Variants in INO80D observed in about 807,000 individuals in gnomAD.
INO80D encodes INO80 complex subunit D.
Under a neutral mutation model 87.6 loss-of-function variants are expected in INO80D, and 21 were observed. That is an observed-to-expected ratio of 0.24 (90% CI 0.17 to 0.35). The LOEUF (loss-of-function observed/expected upper bound fraction) is 0.35. INO80D is among the 10% of genes least tolerant of loss of function. The pLI is 1.00. For synonymous variants in INO80D, 440 were observed against 491.0 expected (o/e 0.90, Z 1.37); for missense variants, 982 against 1,280.7 (o/e 0.77, Z 3.56).
At chr2:206,082,763 G>C (rs1690319746) in intron 1 of INO80D, among the ~76,000 whole-genome samples, 1 of 152,230 alleles carries the variant, frequency 6.6e-6, no homozygotes, top group Non-Finnish European at 1.5e-5. Flanking sequence ...TGGATAGTGA[G>C]AGCTGCTAAC....
intron 8 of INO80D, among the ~76,000 whole-genome samples, chr2:206,014,427 C>A (rs1688264392): frequency 6.6e-6 from 1 of 152,116 alleles, no homozygotes; most frequent in African/African-American, 2.4e-5. Context: ...TGGGAGATGA[C>A]TGAACTATGG....
intron 1 of INO80D, among the ~76,000 whole-genome samples, chr2:206,069,482 A>G (rs1575880491): frequency 6.6e-6 from 1 of 152,156 alleles, no homozygotes; most frequent in South Asian, 2.1e-4. Flanking sequence ...GTGGTGGCTC[A>G]TGCCTGTAAT....
chr2:206,002,494 A>G lies in INO80D; in HGVS notation c.*1874T>C, dbSNP rs1264019072. 1.3e-5 allele frequency: 2 copies of G among 152,222 alleles called. No individual in the cohort carries two copies. Among genetic ancestry groups the G allele is most frequent in the Non-Finnish European group, 2.9e-5 (2 of 68,036 alleles). The allele number at this position is 152,222 out of a possible 1,614,324, so 9.4% of individuals were successfully genotyped here. A position where few individuals can be genotyped will look rare whatever the true frequency, so the allele number is the denominator to read the frequency against. ...TTTAAAAAAACTAAATATATTACAA[A>G]CATATTTTTGGCCCACAAAAAGAAA... On this transcript the variant is annotated 3_prime_UTR_variant, in exon 11 of 11. Coordinates refer to ENST00000403263, the MANE Select transcript of INO80D (RefSeq NM_017759.5).
At chr2:206,037,610 C>T (rs1477214558) in intron 5 of INO80D, among the ~76,000 whole-genome samples, 2 of 152,102 alleles carry the variant, frequency 1.3e-5, no homozygotes, top group African/African-American at 4.8e-5. Flanking sequence ...ATTAAAAAGA[C>T]ACTGTTGGTG....
Position 206,004,253 on chromosome 2 carries a change from C to T in INO80D, c.*115G>A. 1.0e-6 allele frequency: 1 copy of T among 959,508 alleles called. No homozygotes were observed. The highest frequency in any genetic ancestry group is 1.6e-5 in the South Asian group (1 of 61,562). The allele number at this position is 959,508 out of a possible 1,614,324, so 59.4% of individuals were successfully genotyped here. ...CTCATTGAACTGGGAAGGGGGGTGC[C>T]CCTCTGATCCCCATCTGTTATATCT... On this transcript the variant is annotated 3_prime_UTR_variant, in exon 11 of 11. Coordinates refer to ENST00000403263, the MANE Select transcript of INO80D (RefSeq NM_017759.5). The surrounding 1 kb of genome is among the most constrained non-coding windows in gnomAD (Gnocchi z 4.9).
In INO80D at chr2:206,058,242, A is replaced by G. The variant is rs979673236; in HGVS notation, c.219-1299T>C. ...AGACTATCCTGGCTAATCCGGTGAA[A>G]CCCCGTCTCTATTAAAAATACAAAA... On this transcript the variant is annotated intron_variant, in intron 3 of 10. Transcript: ENST00000403263. Among the ~76,000 whole-genome samples the G allele has an allele frequency of 2.0e-5, 3 of 150,630 alleles. No homozygotes were observed. The South Asian group carries it at 6.3e-4, about 32-fold the overall frequency.
At chr2:206,069,960 A>G (rs1689916730) in intron 1 of INO80D, among the ~76,000 whole-genome samples, 2 of 152,158 alleles carry the variant, frequency 1.3e-5, no homozygotes, top group African/African-American at 4.8e-5. Flanking sequence ...GGAAACTATA[A>G]GCCACGATTT....
intron 4 of INO80D, among the ~76,000 whole-genome samples, chr2:206,047,705 T>C (rs1325884772): frequency 6.6e-6 from 1 of 151,742 alleles, no homozygotes; most frequent in African/African-American, 2.4e-5. Context: ...CACTCTACAT[T>C]TCAACAACGA....
intron 5 of INO80D, among the ~76,000 whole-genome samples, chr2:206,044,478 T>G: frequency 8.8e-6 from 1 of 114,172 alleles, no homozygotes; most frequent in Admixed American, 1.0e-4. Context: ...GATAAATACC[T>G]GTTAAAAAAA....
rs1319458796 is a variant in INO80D, at chr2:205,996,181, T to G, written c.*8187A>C. 2.2e-4 allele frequency: 34 copies of G among 152,182 alleles called. No individual in the cohort carries two copies. Among genetic ancestry groups the G allele is most frequent in the Non-Finnish European group, 1.3e-4 (9 of 67,938 alleles). 9.4% of individuals were successfully genotyped at this position (152,182 alleles called of 1,614,324 possible). ...GTCTCAAAATTCCTATTGATAATAT[T>G]ACCAAAACTTGTATCTTCTGGGAAA... On this transcript the variant is annotated 3_prime_UTR_variant, in exon 11 of 11. Coordinates refer to ENST00000403263, the MANE Select transcript of INO80D (RefSeq NM_017759.5).
At chr2:206,047,599 C>T (rs1430951335) in intron 4 of INO80D, among the ~76,000 whole-genome samples, 1 of 151,786 alleles carries the variant, frequency 6.6e-6, no homozygotes, top group Non-Finnish European at 1.5e-5. Flanking sequence ...AGAAAAGAAG[C>T]TCGATATATG....
In INO80D at chr2:206,002,051, C is replaced by G. The variant is rs919824209; in HGVS notation, c.*2317G>C. 1.3e-5 allele frequency: 2 copies of G among 152,186 alleles called. No homozygotes were observed. The highest frequency in any genetic ancestry group is 2.9e-5 in the Non-Finnish European group (2 of 68,030). The allele number at this position is 152,186 out of a possible 1,614,324, so 9.4% of individuals were successfully genotyped here. A position where few individuals can be genotyped will look rare whatever the true frequency, so the allele number is the denominator to read the frequency against. ...AGGGGACAAGTAGACAGAAAAAGTT[C>G]AAATCGACTACCCACGACTTTCCCT... On this transcript the variant is annotated 3_prime_UTR_variant, in exon 11 of 11. Transcript: ENST00000403263.
At chr2:206,078,873 G>C (rs564988817) in intron 1 of INO80D, among the ~76,000 whole-genome samples, 70 of 152,232 alleles carry the variant, frequency 4.6e-4, no homozygotes, top group Non-Finnish European at 7.6e-4. Context: ...AACCTGGGAG[G>C]CAGAGATTGC....
intron 5 of INO80D, among the ~76,000 whole-genome samples, chr2:206,039,559 C>T (rs554102060): frequency 7.2e-5 from 11 of 152,102 alleles, no homozygotes; most frequent in Admixed American, 3.3e-4. Flanking sequence ...CGCCTATAAT[C>T]GCAGCACTTT....
chr2:206,015,093 A>G (rs1163378772), intron 8 of INO80D, among the ~76,000 whole-genome samples: 1 of 152,244 alleles, frequency 6.6e-6, no homozygotes, highest in East Asian at 1.9e-4. Flanking sequence ...AAAGCATTCA[A>G]GAGGTGACTT....
chr2:206,039,139 G>A (rs751514853), intron 5 of INO80D, among the ~76,000 whole-genome samples: 4 of 152,082 alleles, frequency 2.6e-5, no homozygotes, highest in Non-Finnish European at 5.9e-5. Flanking sequence ...ACCTCACCCC[G>A]GTAATCCCAG....
chr2:206,056,308 A>G lies in INO80D; in HGVS notation c.854T>C (p.Met285Thr), dbSNP rs766003856. The G allele has an allele frequency of 1.2e-5, 20 of 1,613,870 alleles. No individual in the cohort carries two copies. The highest frequency in any genetic ancestry group is 2.2e-5 in the East Asian group (1 of 44,900). ...GTGTGGAGAGAAGGCTGTGGCTTTC[A>G]TGAGGATCCGGTCAGTCCTGGGTGG... is the stretch of plus-strand genomic sequence containing the variant. ...VDPPRTDRILMKATAFSPHFS... is the reference protein window; with the variant it reads ...VDPPRTDRILTKATAFSPHFS... The change falls in exon 4 of 11, where the codon ATG (methionine) becomes ACG (threonine). Residue 285 changes from methionine (M) to threonine (T), a missense_variant. Transcript: ENST00000403263.
In INO80D at chr2:206,002,601, A is replaced by G. The variant is rs1002856618; in HGVS notation, c.*1767T>C. On this transcript the variant is annotated 3_prime_UTR_variant, in exon 11 of 11. Coordinates refer to ENST00000403263, the MANE Select transcript of INO80D (RefSeq NM_017759.5). The stretch of plus-strand genomic sequence containing the variant: ...CCCTCCATAACCTCAGGCACGTGGT[A>G]TCTGCATAATGCCTGCTGATCACCA... The G allele has an allele frequency of 1.3e-5, 2 of 152,208 alleles. No homozygotes were observed. The highest frequency in any genetic ancestry group is 4.8e-5 in the African/African-American group (2 of 41,444). The allele number at this position is 152,208 out of a possible 1,614,324, so 9.4% of individuals were successfully genotyped here. A position where few individuals can be genotyped will look rare whatever the true frequency, so the allele number is the denominator to read the frequency against.
chr2:206,016,656 C>A (rs746780796), intron 8 of INO80D, among the ~76,000 whole-genome samples: 3 of 152,212 alleles, frequency 2.0e-5, no homozygotes, highest in Non-Finnish European at 2.9e-5. Context: ...ACCCAAATCT[C>A]ATCTTGTAGC....
Sources: allele counts gnomAD v4.1 joint callset (sites outside exome capture counted in the v4.1 genomes callset), GRCh38; gene constraint gnomAD v4.1.1; non-coding constraint Gnocchi (gnomAD v3.1); transcripts MANE v1.5; gene names NCBI Gene and HGNC (gene_info 2026-07-23, HGNC 2026-07-21).